HIPK3: variants seen among roughly 807,000 people sequenced by gnomAD.
HIPK3 encodes homeodomain-interacting protein kinase 3.
Under a neutral mutation model 124.2 loss-of-function variants are expected in HIPK3, and 47 were observed. The ratio of observed to expected loss-of-function variants is 0.38; its 90% CI spans 0.30 to 0.48. HIPK3 has a LOEUF of 0.48. Ranked by LOEUF, HIPK3 falls within the 20% of genes least tolerant of loss-of-function variation. The probability of loss-of-function intolerance (pLI) is 0.98; values close to 1 mark genes in which losing one functional copy is unlikely to be tolerated. For synonymous variants in HIPK3, 482 were observed against 515.2 expected, an observed-to-expected ratio of 0.94 and a Z score of 0.87; for missense variants, 1,286 against 1,454.3, an observed-to-expected ratio of 0.88 and a Z score of 1.88.
At chr11:33,338,630 ATTTTTGATAGTGT>A (rs1853233860) in intron 4 of HIPK3, 114 bp from the exon 5 acceptor site, 1 of 514,312 alleles carries the variant, frequency 1.9e-6, no homozygotes. Context: ...TAAAAAATAC[ATTTTTGATAGTGT>A]CTCTTTTGAA....
rs995292923 is a variant in HIPK3, at chr11:33,281,214, C to T, written c.-2-5199C>T. ...CCTCCCGAGTAGCTGGGATTACAGG[C>T]GTGCGCCACCACACCTGGCTAATTT... is the stretch of plus-strand genomic sequence containing the variant. On this transcript the variant is annotated intron_variant, in intron 1 of 16. Coordinates refer to ENST00000303296, the MANE Select transcript of HIPK3 (RefSeq NM_005734.5). Among the ~76,000 whole-genome samples the T allele has an allele frequency of 3.9e-5, 6 of 151,974 alleles. No homozygotes were observed. The South Asian group carries it at 8.3e-4, about 21-fold the overall frequency.
chr11:33,319,815 A>C (rs1256422098), intron 2 of HIPK3, among the ~76,000 whole-genome samples: 1 of 152,258 alleles, frequency 6.6e-6, no homozygotes, highest in East Asian at 1.9e-4. Flanking sequence ...TAGTGGGGGC[A>C]GAGAGGAAAT....
chr11:33,325,645 TTTTC>T (rs1466397355), intron 2 of HIPK3, among the ~76,000 whole-genome samples: 1 of 152,252 alleles, frequency 6.6e-6, no homozygotes, highest in Non-Finnish European at 1.5e-5. Flanking sequence ...ACTCTGATAC[TTTTC>T]TTTGTGTGAC....
At chr11:33,332,464 T>TATGG (rs528417039) in intron 3 of HIPK3, among the ~76,000 whole-genome samples, 5 of 152,150 alleles carry the variant, frequency 3.3e-5, no homozygotes, top group African/African-American at 4.8e-5. Context: ...AGGACTATTT[T>TATGG]ATGGATGGAT....
intron 2 of HIPK3, among the ~76,000 whole-genome samples, chr11:33,320,840 A>G (rs1386400766): frequency 6.6e-6 from 1 of 152,172 alleles, no homozygotes; most frequent in Middle Eastern, 3.2e-3. Context: ...TGAGATGCCT[A>G]ATAAACATTC....
chr11:33,310,871 C>G (rs532172235), intron 2 of HIPK3, among the ~76,000 whole-genome samples: 1 of 152,068 alleles, frequency 6.6e-6, no homozygotes, highest in Non-Finnish European at 1.5e-5. Flanking sequence ...TAAGGGAGAC[C>G]GGTCTGTTTC....
intron 8 of HIPK3, among the ~76,000 whole-genome samples, chr11:33,345,051 T>G (rs986176144): frequency 5.9e-5 from 9 of 152,146 alleles, no homozygotes; most frequent in Admixed American, 3.9e-4. Context: ...GACTTAAAAA[T>G]TTTACTTTGG....
At chr11:33,276,754 G>C (rs1851280928) in intron 1 of HIPK3, among the ~76,000 whole-genome samples, 1 of 152,052 alleles carries the variant, frequency 6.6e-6, no homozygotes, top group African/African-American at 2.4e-5. Context: ...TGCCCAGGCT[G>C]GAGTGCAGTG....
In HIPK3 at chr11:33,351,780, G is replaced by C. The variant is rs373543551; in HGVS notation, c.2980G>C (p.Val994Leu). The change falls in exon 15 of 17, where the codon GTT (valine) becomes CTT (leucine). Residue 994 changes from valine to leucine, a missense_variant. By Grantham distance (32) the Val-to-Leu change is conservative (BLOSUM62 1). This residue lies in a region of HIPK3 where 810 missense variants were observed against 864.9 expected (regional missense o/e 0.94). Transcript: ENST00000303296. ...DTETKPAVCSVVVPPVELENG... is the reference protein window; with the variant it reads ...DTETKPAVCSLVVPPVELENG... ...AGAAACCAAGCCAGCTGTCTGTTCT[G>C]TTGTGGTGCCACCAGTGGAACTAGA... 118 of 1,614,080 alleles carry C rather than the reference G, an allele frequency of 7.3e-5. No individual in the cohort carries two copies. Among genetic ancestry groups the C allele is most frequent in the Middle Eastern group, 1.6e-4 (1 of 6,084 alleles).
intron 1 of HIPK3, among the ~76,000 whole-genome samples, chr11:33,264,882 ATC>A (rs759263887): frequency 2.2e-4 from 34 of 152,196 alleles, no homozygotes; most frequent in Non-Finnish European, 4.6e-4. Context: ...CAATTTTAAA[ATC>A]TGTTTCAACT....
At chr11:33,314,162 A>G (rs1251096570) in intron 2 of HIPK3, among the ~76,000 whole-genome samples, 2 of 152,192 alleles carry the variant, frequency 1.3e-5, no homozygotes, top group African/African-American at 4.8e-5. Context: ...AAAATGATTT[A>G]TCTACATGGT....
intron 2 of HIPK3, among the ~76,000 whole-genome samples, chr11:33,312,283 C>T (rs922819868): frequency 6.6e-6 from 1 of 152,090 alleles, no homozygotes; most frequent in Non-Finnish European, 1.5e-5. Context: ...TGGCAGTTCT[C>T]TAGACTGTTA....
At chr11:33,302,818 TTA>T (rs1852045437) in intron 2 of HIPK3, among the ~76,000 whole-genome samples, 1 of 152,228 alleles carries the variant, frequency 6.6e-6, no homozygotes, top group African/African-American at 2.4e-5. Context: ...CTACTTAATT[TTA>T]TATGTTTGTA....
At chr11:33,306,978 G>A (rs930956105) in intron 2 of HIPK3, among the ~76,000 whole-genome samples, 2 of 143,108 alleles carry the variant, frequency 1.4e-5, no homozygotes, top group Non-Finnish European at 3.0e-5. Context: ...TCACTCTGTC[G>A]CCCAGGCTGG....
intron 14 of HIPK3, among the ~76,000 whole-genome samples, chr11:33,350,150 A>G (rs1446253907): frequency 3.9e-5 from 6 of 152,216 alleles, no homozygotes; most frequent in Non-Finnish European, 8.8e-5. Flanking sequence ...TTTGGAATAA[A>G]AACATATACT....
chr11:33,321,994 T>G (rs1852676407), intron 2 of HIPK3, among the ~76,000 whole-genome samples: 1 of 152,054 alleles, frequency 6.6e-6, no homozygotes. Flanking sequence ...TTCCCAACTT[T>G]TTATTTTTAT....
At chr11:33,297,720 T>C (rs1271151030) in intron 2 of HIPK3, among the ~76,000 whole-genome samples, 1 of 151,534 alleles carries the variant, frequency 6.6e-6, no homozygotes, top group Non-Finnish European at 1.5e-5. Context: ...TGATACCATC[T>C]AGGACTTTCA....
intron 1 of HIPK3, among the ~76,000 whole-genome samples, chr11:33,274,763 A>C (rs770693181): frequency 2.0e-5 from 3 of 152,108 alleles, no homozygotes; most frequent in Non-Finnish European, 4.4e-5. Context: ...AAAGATTTGT[A>C]CTGGCAGGGT....
intron 1 of HIPK3, among the ~76,000 whole-genome samples, chr11:33,283,040 C>T (rs534513079): frequency 1.3e-5 from 2 of 151,870 alleles, no homozygotes; most frequent in East Asian, 3.9e-4. Context: ...GATGGAGTTT[C>T]AAAATCTTTT....
Sources: gnomAD v4.1 joint callset for allele counts (sites outside exome capture counted in the v4.1 genomes callset) on GRCh38, gnomAD v4.1.1 for gene constraint, gnomAD v4.1.1 regional missense constraint, MANE v1.5 for transcripts, NCBI Gene and HGNC (gene_info 2026-07-23, HGNC 2026-07-21) for gene names.